The following REPS2 variants were observed in gnomAD, a reference collection of about 807,000 sequenced individuals.
REPS2 encodes the protein RALBP1 associated Eps domain containing 2.
A neutral mutation model predicts 53.6 loss-of-function variants in REPS2; 23 were observed. The ratio of observed to expected loss-of-function variants is 0.43; its 90% confidence interval spans 0.31 to 0.61. The LOEUF (loss-of-function observed/expected upper bound fraction) is 0.61, where lower values mean the gene tolerates loss of function less well. Ranked by LOEUF, REPS2 falls within the 20% of genes least tolerant of loss-of-function variation. The pLI, the probability that REPS2 is intolerant of heterozygous loss-of-function variation, is 0.11. For missense variants in REPS2, 446 were observed against 534.9 expected (o/e 0.83, Z 1.64); for synonymous variants, 238 against 218.6 (o/e 1.09, Z -0.78).
rs1185120090 is a variant in REPS2, at chrX:16,956,282, C to T, written c.273+9148C>T. Among the ~76,000 whole-genome samples the T allele has an allele frequency of 6.4e-5, 4 of 62,974 alleles. No individual in the cohort carries two copies. The Admixed American group carries it at 9.4e-4, about 15-fold the overall frequency. 54.7% of individuals were successfully genotyped at this position (62,974 alleles called of 115,157 possible). A position where few individuals can be genotyped will look rare whatever the true frequency, so the allele number is the denominator to read the frequency against. On this transcript the variant is annotated intron_variant, in intron 1 of 17. Transcript: ENST00000357277. ...TATGCATGTAAGCAAAAAACCACAGCAGTTTTTTTTTTTTTTTTTTTTTTT... is the reference window on the plus strand; with the variant it reads ...TATGCATGTAAGCAAAAAACCACAGTAGTTTTTTTTTTTTTTTTTTTTTTT...
chrX:16,972,532 A>T (rs1377518324), intron 1 of REPS2, among the ~76,000 whole-genome samples: 1 of 111,684 alleles, frequency 9.0e-6, no homozygotes, highest in Admixed American at 9.5e-5. Context: ...TCCTGCTTCC[A>T]GCTCTATCTA....
intron 1 of REPS2, among the ~76,000 whole-genome samples, chrX:16,964,220 T>C (rs1456435098): frequency 9.3e-6 from 1 of 107,766 alleles, no homozygotes; most frequent in Admixed American, 9.9e-5. Flanking sequence ...GATTAGGGAG[T>C]GGTGCTGACT....
At chrX:17,072,781 G>C in intron 11 of REPS2, among the ~76,000 whole-genome samples, 1 of 112,027 alleles carries the variant, frequency 8.9e-6, no homozygotes, top group East Asian at 2.8e-4. Context: ...TCCTGAGCTG[G>C]GAGAGAGGCT....
chrX:16,967,700 C>CAT (rs2060789323), intron 1 of REPS2, among the ~76,000 whole-genome samples: 1 of 110,757 alleles, frequency 9.0e-6, no homozygotes, highest in Non-Finnish European at 1.9e-5. Context: ...TGTACAGGTT[C>CAT]ATATATATAT....
chrX:16,956,333 G>T (rs1013519180), intron 1 of REPS2, among the ~76,000 whole-genome samples: 1 of 69,716 alleles, frequency 1.4e-5, no homozygotes, highest in Non-Finnish European at 2.4e-5. Flanking sequence ...ACAGGGTCTT[G>T]CTCTGTCACC....
At chrX:17,180,287 C>T in the REPS2 span, among the ~76,000 whole-genome samples, 1 of 111,029 alleles carries the variant, frequency 9.0e-6, no homozygotes, top group Non-Finnish European at 1.9e-5. Flanking sequence ...AACTTTCCTA[C>T]TAAGTTTAAG....
intron 14 of REPS2, among the ~76,000 whole-genome samples, chrX:17,127,069 C>G (rs913129004): frequency 9.0e-6 from 1 of 111,728 alleles, no homozygotes; most frequent in African/African-American, 3.3e-5. Context: ...AACCATTTAC[C>G]CATTATCCAG....
At chrX:16,969,049 C>T (rs1317788020) in intron 1 of REPS2, among the ~76,000 whole-genome samples, 102 of 107,399 alleles carry the variant, frequency 9.5e-4, no homozygotes, top group African/African-American at 3.2e-3. Flanking sequence ...ACTTCTCAGA[C>T]GGGGCGGCTG....
the REPS2 span, among the ~76,000 whole-genome samples, chrX:17,193,353 C>T: frequency 1.2e-4 from 13 of 111,295 alleles, no homozygotes; most frequent in African/African-American, 3.6e-4. Context: ...GCATGTGTAC[C>T]CTTGCTGTTG....
At chrX:17,192,207 T>C in the REPS2 span, among the ~76,000 whole-genome samples, 19,020 of 111,974 alleles carry the variant, frequency 0.17, 1,391 homozygotes, top group African/African-American at 0.28. Flanking sequence ...TGTGTGTGCG[T>C]GCACGCATGA....
intron 1 of REPS2, among the ~76,000 whole-genome samples, chrX:16,967,378 A>G (rs998383249): frequency 5.5e-5 from 6 of 109,923 alleles, no homozygotes; most frequent in Non-Finnish European, 5.7e-5. Context: ...ATGGTCCTCA[A>G]TAATAACAGC....
intron 1 of REPS2, among the ~76,000 whole-genome samples, chrX:16,970,604 T>C (rs1569098973): frequency 8.9e-6 from 1 of 112,415 alleles, no homozygotes; most frequent in East Asian, 2.8e-4. Flanking sequence ...ATTCACAGAA[T>C]TGTGCAACCA....
In REPS2 at chrX:17,104,289, A is replaced by G. The variant is rs192323121; in HGVS notation, c.1578+510A>G. Among the ~76,000 whole-genome samples the G allele has an allele frequency of 3.6e-5, 4 of 111,718 alleles. No homozygotes were observed. The East Asian group carries it at 1.1e-3, about 31-fold the overall frequency. Reference sequence around the variant, plus strand: ...AAAAAGCTGAGATAGCAGGAGGGGGAGAACATGTCACCAAGATCTGTTTCA... The same window carrying G: ...AAAAAGCTGAGATAGCAGGAGGGGGGGAACATGTCACCAAGATCTGTTTCA... On this transcript the variant is annotated intron_variant, in intron 14 of 17. Coordinates refer to ENST00000357277, the MANE Select transcript of REPS2 (RefSeq NM_004726.3).
chrX:17,189,232 GGCACAT>G, the REPS2 span, among the ~76,000 whole-genome samples: 1 of 106,103 alleles, frequency 9.4e-6, no homozygotes, highest in African/African-American at 3.3e-5. Flanking sequence ...TCTCTCTAAA[GGCACAT>G]GCCACTTATC....
At chrX:16,964,676 C>T (rs1352698954) in intron 1 of REPS2, among the ~76,000 whole-genome samples, 5 of 105,500 alleles carry the variant, frequency 4.7e-5, no homozygotes, top group Non-Finnish European at 1.0e-4. Flanking sequence ...CCCCCACCTC[C>T]CTCCTGGACG....
At chrX:17,160,307 C>T in the REPS2 span, among the ~76,000 whole-genome samples, 1 of 112,235 alleles carries the variant, frequency 8.9e-6, no homozygotes, top group African/African-American at 3.2e-5. Flanking sequence ...TTGGGATTGC[C>T]AAGGTCAAAG....
rs144889866 is a variant in REPS2 at position 17,106,539 on chromosome X, G to A, written c.1578+2760G>A. ...CGCCATTCTCCTGTCTCAGCCTCCC[G>A]AGTAGCTGGGACTACAGGTGCCTGC... On this transcript the variant is annotated intron_variant, in intron 14 of 17. Transcript: ENST00000357277. Among the ~76,000 whole-genome samples the A allele has an allele frequency of 7.9e-3, 852 of 108,094 alleles. 12 individuals are homozygous for A. Among genetic ancestry groups the A allele is most frequent in the African/African-American group, 0.028 (822 of 29,507 alleles). The allele number at this position is 108,094 out of a possible 115,157, so 93.9% of individuals were successfully genotyped here.
chrX:17,061,944 T>G (rs1453072539), intron 8 of REPS2, among the ~76,000 whole-genome samples: 1 of 112,592 alleles, frequency 8.9e-6, no homozygotes, highest in Admixed American at 9.4e-5. Flanking sequence ...AGATAAATAT[T>G]TCGTAAAATC....
At chrX:16,952,880 C>T (rs1221060719) in intron 1 of REPS2, among the ~76,000 whole-genome samples, 1 of 111,306 alleles carries the variant, frequency 9.0e-6, no homozygotes, top group Admixed American at 9.6e-5. Flanking sequence ...AATCCTAGCA[C>T]TTTGGGAGGC....
Sources: allele counts gnomAD v4.1 joint callset (sites outside exome capture counted in the v4.1 genomes callset), GRCh38; gene constraint gnomAD v4.1.1; transcripts MANE v1.5; gene names NCBI Gene and HGNC (gene_info 2026-07-23, HGNC 2026-07-21).